METTL21C: variants seen among roughly 807,000 people sequenced by gnomAD.
METTL21C encodes protein-lysine methyltransferase METTL21C.
A neutral mutation model predicts 25.9 loss-of-function variants in METTL21C; 21 were observed. The observed-to-expected ratio is 0.81, with a 90% confidence interval of 0.58 to 1.17. The LOEUF is 1.17. Ranked by LOEUF, METTL21C falls within the 50% of genes most tolerant of loss-of-function variation. The pLI, the probability that METTL21C is intolerant of heterozygous loss-of-function variation, is 0.00. For synonymous variants in METTL21C, 125 were observed against 124.7 expected (o/e 1.00, Z -0.01); for missense variants, 312 against 315.1 (o/e 0.99, Z 0.07).
At chr13:102,687,890 C>G (rs1383543303) in intron 2 of METTL21C, among the ~76,000 whole-genome samples, 1 of 152,214 alleles carries the variant, frequency 6.6e-6, no homozygotes. Context: ...CCACCTTCCT[C>G]TAACCTTTCC....
Position 102,686,957 on chromosome 13 carries a change from A to G in METTL21C, c.383T>C (p.Ile128Thr), listed in dbSNP as rs141515467. 2,559 of 1,613,946 alleles carry G rather than the reference A, an allele frequency of 1.6e-3. 39 individuals are homozygous for G. In the African/African-American group the frequency reaches 0.028, roughly 18 times the overall value. Residue 128 changes from isoleucine (I) to threonine (T), a missense_variant, in exon 3 of 4, where the codon ATT becomes ACT. Transcript: ENST00000267273. The part of the protein sequence containing the change: ...EIGAGPGLVS[I>T]VASILGAQVT... ...AAACAAACCTAAAATACTGGCCACA[A>G]TGGAAACAAGGCCTGGTCCGGCACC...
upstream of METTL21C, among the ~76,000 whole-genome samples, chr13:102,697,718 C>G (rs1246364368): frequency 6.9e-6 from 1 of 144,820 alleles, no homozygotes; most frequent in Non-Finnish European, 1.6e-5. Flanking sequence ...CTCGATGAAG[C>G]AGACTCCAAG....
chr13:102,686,267 A>G lies in METTL21C; in HGVS notation c.559T>C (p.Tyr187His), dbSNP rs1037757753. 10 of 1,614,118 alleles carry G rather than the reference A, an allele frequency of 6.2e-6. No individual in the cohort carries two copies. The highest frequency in any genetic ancestry group is 5.1e-6 in the Non-Finnish European group (6 of 1,180,040). The part of the protein sequence containing the change: ...DKNFPKSAFY[Y>H]DYVLASDVVY... ...ACATCTGAGGCTAGGACGTAATCATAGTAAAAAGCTGACTTGGGAAAGTTT... is the reference window on the plus strand; with the variant it reads ...ACATCTGAGGCTAGGACGTAATCATGGTAAAAAGCTGACTTGGGAAAGTTT... The change falls in exon 4 of 4, where the codon TAT (tyrosine) becomes CAT (histidine). Residue 187 changes from tyrosine (Y) to histidine (H), a missense_variant. By Grantham distance (83) the Tyr-to-His change is moderately conservative (BLOSUM62 2). Coordinates refer to ENST00000267273, the MANE Select transcript of METTL21C (RefSeq NM_001010977.3).
intron 1 of METTL21C, 90 bp from the exon 2 acceptor site, chr13:102,691,054 TTGAA>T (rs1885818440): frequency 7.8e-6 from 11 of 1,401,722 alleles, no homozygotes; most frequent in Middle Eastern, 2.0e-4. Context: ...TGGCATTAGA[TTGAA>T]TGACCTTTAC....
Position 102,694,456 on chromosome 13 carries a change from C to G in METTL21C, c.43G>C (p.Gly15Arg), listed in dbSNP as rs2390760. The G allele has an allele frequency of 0.65, 1,010,984 of 1,552,260 alleles. 331,575 individuals are homozygous for G. Among genetic ancestry groups the G allele is most frequent in the East Asian group, 0.86 (36,913 of 42,930 alleles). ...LSSAQQPGRR[G>R]EGLSSPGGWL... ...CCACCCGGGGAGCTGAGTCCTTCCC[C>G]CCGGCGCCCAGGCTGCTGCGCGGAG... The change falls in exon 1 of 4, where the codon GGG becomes CGG. Residue 15 changes from glycine (G) to arginine (R), a missense_variant. Transcript: ENST00000267273.
upstream of METTL21C, among the ~76,000 whole-genome samples, chr13:102,695,815 T>C (rs1395819561): frequency 2.6e-5 from 4 of 152,214 alleles, no homozygotes; most frequent in Admixed American, 6.5e-5. Flanking sequence ...TGCAACTTAT[T>C]TCTTCCAGGT....
chr13:102,688,872 G>T (rs80084884), intron 2 of METTL21C, among the ~76,000 whole-genome samples: 1 of 35,292 alleles, frequency 2.8e-5, no homozygotes, highest in Non-Finnish European at 5.9e-5. Context: ...ACATTCCCCC[G>T]CCAGCCCCTT....
chr13:102,686,149 C>G lies in METTL21C; in HGVS notation c.677G>C (p.Arg226Thr), dbSNP rs200707901. The change falls in exon 4 of 4, where the codon AGG (arginine) becomes ACG (threonine). Residue 226 changes from arginine to threonine, a missense_variant. Arg to Thr is a moderately conservative substitution (Grantham distance 71). Transcript: ENST00000267273. ...GTVLLWANKFRFSTDYEFLDK... is the reference protein window; with the variant it reads ...GTVLLWANKFTFSTDYEFLDK... ...TAAAAATTCATAGTCGGTGCTGAAC[C>G]TGAATTTGTTTGCCCAAAGCAGCAC... is the stretch of plus-strand genomic sequence containing the variant. The G allele has an allele frequency of 1.5e-5, 24 of 1,614,044 alleles. No individual in the cohort carries two copies. The African/African-American group carries it at 2.0e-4, about 13-fold the overall frequency.
At chr13:102,698,509 T>C (rs192152068), upstream of METTL21C, among the ~76,000 whole-genome samples, 73 of 152,266 alleles carry the variant, frequency 4.8e-4, no homozygotes, top group African/African-American at 1.7e-3. Flanking sequence ...CTTTGAGATA[T>C]TCTTTCACGT....
At chr13:102,703,656 C>A in the METTL21C span, among the ~76,000 whole-genome samples, 4 of 152,156 alleles carry the variant, frequency 2.6e-5, no homozygotes, top group South Asian at 8.3e-4. Context: ...GGTGGAGGAA[C>A]CACGGCAGTG....
At chr13:102,699,897 G>A (rs1186600897), upstream of METTL21C, among the ~76,000 whole-genome samples, 1 of 152,182 alleles carries the variant, frequency 6.6e-6, no homozygotes, top group Admixed American at 6.5e-5. Flanking sequence ...GGGATGCAAA[G>A]ACTGAGGCCA....
chr13:102,695,859 A>T (rs1185054934), upstream of METTL21C, among the ~76,000 whole-genome samples: 1 of 152,250 alleles, frequency 6.6e-6, no homozygotes, highest in Non-Finnish European at 1.5e-5. Context: ...GCAAAAAGAT[A>T]GTCATCAGTA....
chr13:102,694,531 A>G lies in METTL21C; in HGVS notation c.-33T>C. ...TGTCCCAAAGACAGCTGTGCATTGA[A>G]AAGCAATCTACAAAAGAACGACTAT... On this transcript the variant is annotated 5_prime_UTR_variant, in exon 1 of 4. Coordinates refer to ENST00000267273, the MANE Select transcript of METTL21C (RefSeq NM_001010977.3). The G allele has an allele frequency of 1.9e-6, 1 of 526,404 alleles. No individual in the cohort carries two copies. The highest frequency in any genetic ancestry group is 2.4e-5 in the African/African-American group (1 of 42,194). The allele number at this position is 526,404 out of a possible 1,614,324, so 32.6% of individuals were successfully genotyped here.
the METTL21C span, among the ~76,000 whole-genome samples, chr13:102,701,993 G>A: frequency 2.0e-5 from 3 of 152,024 alleles, no homozygotes; most frequent in Admixed American, 6.6e-5. Flanking sequence ...GGTGAAACTC[G>A]TCTCTACTAA....
chr13:102,693,063 C>A (rs1046581819), intron 1 of METTL21C, among the ~76,000 whole-genome samples: 9 of 152,150 alleles, frequency 5.9e-5, no homozygotes, highest in African/African-American at 2.2e-4. Flanking sequence ...GGAGTAAATA[C>A]TCCCACCGTG....
intron 2 of METTL21C, among the ~76,000 whole-genome samples, chr13:102,689,154 T>C (rs1473496308): frequency 6.6e-6 from 1 of 152,148 alleles, no homozygotes; most frequent in Non-Finnish European, 1.5e-5. Context: ...GGTCTCAAAC[T>C]CCTGAGCTCA....
rs999726146 is a variant in METTL21C at position 102,694,679 on chromosome 13, G to A, written c.-181C>T. The stretch of plus-strand genomic sequence containing the variant: ...CCAAAATAATTTTGAATTGTTACAC[G>A]TATCTTTACCTTATGCAGCAGAAGA... On this transcript the variant is annotated 5_prime_UTR_variant, in exon 1 of 4. In the 5' UTR this introduces an upstream ATG that the reference lacks. Transcript: ENST00000267273. Among the ~76,000 whole-genome samples the A allele has an allele frequency of 7.9e-5, 12 of 151,434 alleles. No homozygotes were observed. The highest frequency in any genetic ancestry group is 2.7e-4 in the African/African-American group (11 of 41,182).
chr13:102,702,241 A>G, the METTL21C span, among the ~76,000 whole-genome samples: 1 of 151,880 alleles, frequency 6.6e-6, no homozygotes, highest in Non-Finnish European at 1.5e-5. Context: ...AAAGAGAGAG[A>G]GAGACTTCAT....
chr13:102,688,260 A>T (rs1213282104), intron 2 of METTL21C, among the ~76,000 whole-genome samples: 1 of 152,108 alleles, frequency 6.6e-6, no homozygotes, highest in Non-Finnish European at 1.5e-5. Context: ...AGCCAACCTG[A>T]CCCTGTACGT....
Sources: allele counts gnomAD v4.1 joint callset (sites outside exome capture counted in the v4.1 genomes callset), GRCh38; gene constraint gnomAD v4.1.1; transcripts MANE v1.5; gene names NCBI Gene and HGNC (gene_info 2026-07-23, HGNC 2026-07-21).